The following ARL15 variants were observed in gnomAD, a reference collection of about 807,000 sequenced individuals.
The protein encoded by ARL15 is ARF like GTPase 15, also known as ADP-ribosylation factor-like protein 15.
In ARL15, 19 loss-of-function variants were observed where a neutral mutation model predicts 25.2. The ratio of observed to expected loss-of-function variants is 0.75; its 90% CI spans 0.53 to 1.10. ARL15 has a LOEUF of 1.10. Ranked by LOEUF, ARL15 falls within the 50% of genes least tolerant of loss-of-function variation. The pLI is 0.00. For missense variants in ARL15, 220 were observed against 246.0 expected (o/e 0.89, Z 0.71); for synonymous variants, 94 against 86.8 (o/e 1.08, Z -0.46).
chr5:54,128,537 T>C (rs1393652376), intron 3 of ARL15, among the ~76,000 whole-genome samples: 1 of 152,118 alleles, frequency 6.6e-6, no homozygotes, highest in African/African-American at 2.4e-5. Context: ...GACGTAACAC[T>C]AGGCATAAGG....
intron 4 of ARL15, among the ~76,000 whole-genome samples, chr5:54,027,789 G>T (rs1437877564): frequency 6.6e-6 from 1 of 151,978 alleles, no homozygotes; most frequent in East Asian, 1.9e-4. Flanking sequence ...TAGCCCTCAG[G>T]TCAAACAATG....
At chr5:54,003,964 C>T (rs1203280062) in intron 4 of ARL15, among the ~76,000 whole-genome samples, 2 of 152,150 alleles carry the variant, frequency 1.3e-5, no homozygotes, top group African/African-American at 2.4e-5. Context: ...CAATGGCACA[C>T]AAGTGTGAAT....
chr5:54,261,768 C>A (rs1393895861), intron 1 of ARL15, among the ~76,000 whole-genome samples: 2 of 151,800 alleles, frequency 1.3e-5, no homozygotes, highest in Non-Finnish European at 2.9e-5. Flanking sequence ...ACACACACAC[C>A]CCATGACCAC....
intron 1 of ARL15, chr5:54,282,566 T>C (rs1450514622): frequency 2.0e-6 from 2 of 984,784 alleles, no homozygotes; most frequent in East Asian, 2.3e-4. Flanking sequence ...TGTCCTCTAA[T>C]ACAAGAGCAT....
intron 4 of ARL15, among the ~76,000 whole-genome samples, chr5:54,108,746 T>C (rs1270324464): frequency 2.0e-5 from 3 of 151,966 alleles, no homozygotes; most frequent in Non-Finnish European, 2.9e-5. Flanking sequence ...TTCAAAACTC[T>C]GTCTGATCCT....
intron 4 of ARL15, among the ~76,000 whole-genome samples, chr5:54,009,115 T>C (rs1005578411): frequency 2.0e-5 from 3 of 152,220 alleles, no homozygotes; most frequent in Non-Finnish European, 2.9e-5. Flanking sequence ...CTTCATATTA[T>C]ATATGTAAAT....
At chr5:54,237,670 C>A (rs780914678) in intron 1 of ARL15, among the ~76,000 whole-genome samples, 3 of 152,166 alleles carry the variant, frequency 2.0e-5, no homozygotes, top group East Asian at 1.9e-4. Flanking sequence ...ACAGAGAATG[C>A]AAACTGTGTT....
At chr5:54,131,433 A>G (rs1377942265) in intron 3 of ARL15, among the ~76,000 whole-genome samples, 1 of 152,018 alleles carries the variant, frequency 6.6e-6, no homozygotes, top group African/African-American at 2.4e-5. Flanking sequence ...TTATATTTTC[A>G]AGTATAATCG....
intron 4 of ARL15, among the ~76,000 whole-genome samples, chr5:53,903,276 T>C (rs1337295674): frequency 3.3e-5 from 5 of 152,172 alleles, no homozygotes; most frequent in Non-Finnish European, 5.9e-5. Flanking sequence ...GGGTCGTAAT[T>C]GTCATCCATG....
At chr5:54,233,684 A>G (rs13356576) in intron 1 of ARL15, among the ~76,000 whole-genome samples, 17,077 of 152,258 alleles carry the variant, frequency 0.11, 1,712 homozygotes, top group African/African-American at 0.27. Flanking sequence ...CATGGCAACT[A>G]GCCCCTAAGG....
At chr5:54,172,003 C>T in intron 1 of ARL15, 75 bp from the exon 2 acceptor site, 1 of 1,532,786 alleles carries the variant, frequency 6.5e-7, no homozygotes, top group South Asian at 1.2e-5. Flanking sequence ...TTTAAAATGA[C>T]TGAGTAAGTA....
intron 3 of ARL15, among the ~76,000 whole-genome samples, chr5:54,129,363 C>A (rs1438046745): frequency 1.3e-5 from 2 of 152,136 alleles, no homozygotes; most frequent in Non-Finnish European, 2.9e-5. Flanking sequence ...ATCACAATTT[C>A]TTGGCTCCCT....
At chr5:54,130,223 AAAACAAAC>A (rs908713199) in intron 3 of ARL15, among the ~76,000 whole-genome samples, 1 of 152,152 alleles carries the variant, frequency 6.6e-6, no homozygotes, top group Non-Finnish European at 1.5e-5. Flanking sequence ...GTCTCAAAAC[AAAACAAAC>A]AAACAAACAA....
At chr5:53,921,809 G>C (rs981648752) in intron 4 of ARL15, among the ~76,000 whole-genome samples, 1 of 152,118 alleles carries the variant, frequency 6.6e-6, no homozygotes, top group Non-Finnish European at 1.5e-5. Context: ...AAAGCAGACT[G>C]CTCTGACTAA....
At chr5:54,302,482 G>T (rs552416482) in intron 1 of ARL15, among the ~76,000 whole-genome samples, 1 of 152,084 alleles carries the variant, frequency 6.6e-6, no homozygotes, top group South Asian at 2.1e-4. Context: ...CACTGTAAAT[G>T]GTACACAGTC....
At chr5:53,942,083 G>T (rs1273963858) in intron 4 of ARL15, among the ~76,000 whole-genome samples, 1 of 152,208 alleles carries the variant, frequency 6.6e-6, no homozygotes, top group East Asian at 1.9e-4. Context: ...AGGAATGGTT[G>T]CAGGTTGCTT....
chr5:54,287,045 TTTTG>T (rs914248725), intron 1 of ARL15, among the ~76,000 whole-genome samples: 17 of 151,706 alleles, frequency 1.1e-4, no homozygotes, highest in African/African-American at 4.1e-4. Context: ...ACCCAGCTAA[TTTTG>T]TTTATTTTTT....
chr5:54,252,583 T>G (rs1331931964), intron 1 of ARL15, among the ~76,000 whole-genome samples: 1 of 152,180 alleles, frequency 6.6e-6, no homozygotes, highest in African/African-American at 2.4e-5. Context: ...CAATCAGGAT[T>G]GGTCAAAGTG....
At chr5:54,102,020 T>TC (rs1554040429) in intron 4 of ARL15, among the ~76,000 whole-genome samples, 1 of 2,428 alleles carries the variant, frequency 4.1e-4, no homozygotes, top group Non-Finnish European at 5.6e-4. Context: ...TTTTGTTTTG[T>TC]TTTTTTTTTT....
Sources: allele counts gnomAD v4.1 joint callset (sites outside exome capture counted in the v4.1 genomes callset), GRCh38; gene constraint gnomAD v4.1.1; transcripts MANE v1.5; gene names NCBI Gene and HGNC (gene_info 2026-07-23, HGNC 2026-07-21).